HOOK3: variants seen among roughly 807,000 people sequenced by gnomAD.
The protein encoded by HOOK3 is hook microtubule tethering protein 3, also known as protein Hook homolog 3.
HOOK3 carries 24 observed loss-of-function variants against 116.3 expected under a neutral mutation model. The ratio of observed to expected loss-of-function variants is 0.21; its 90% CI spans 0.15 to 0.29. The LOEUF (loss-of-function observed/expected upper bound fraction) is 0.29. Ranked by LOEUF, HOOK3 falls within the 10% of genes least tolerant of loss-of-function variation. The pLI is 1.00. For synonymous variants in HOOK3, 275 were observed against 283.0 expected (o/e 0.97, Z 0.28); for missense variants, 632 against 830.2 (o/e 0.76, Z 2.93).
At chr8:42,957,383 A>ATT (rs1218226131) in intron 7 of HOOK3, among the ~76,000 whole-genome samples, 1 of 152,222 alleles carries the variant, frequency 6.6e-6, no homozygotes, top group African/African-American at 2.4e-5. Flanking sequence ...GCTGTTGCAT[A>ATT]ACCTACTTTG....
intron 1 of HOOK3, among the ~76,000 whole-genome samples, chr8:42,899,918 A>T (rs1807149968): frequency 6.6e-6 from 1 of 152,222 alleles, no homozygotes; most frequent in African/African-American, 2.4e-5. Context: ...ACTACATAGC[A>T]TTTAGTTTGA....
Position 43,029,144 on chromosome 8 carries a change from CTTTT to C in HOOK3, c.*10647_*10650del, listed in dbSNP as rs574899979. On this transcript the variant is annotated 3_prime_UTR_variant, in exon 22 of 22. Coordinates refer to ENST00000307602, the MANE Select transcript of HOOK3 (RefSeq NM_032410.4). Reference sequence around the variant, plus strand: ...GCCTTTTAATGTCTTTAACAGCAATCTTTTATTTATTTATTTATTTATTTTTGAG... The same window carrying C: ...GCCTTTTAATGTCTTTAACAGCAATCATTTATTTATTTATTTATTTTTGAG... The C allele has an allele frequency of 5.6e-6, 1 of 177,376 alleles. No individual in the cohort carries two copies. Among genetic ancestry groups the C allele is most frequent in the Admixed American group, 6.3e-5 (1 of 15,796 alleles). The allele number at this position is 177,376 out of a possible 1,614,324, so 11.0% of individuals were successfully genotyped here.
intron 3 of HOOK3, among the ~76,000 whole-genome samples, chr8:42,927,405 C>T (rs985921383): frequency 6.6e-6 from 1 of 151,570 alleles, no homozygotes; most frequent in African/African-American, 2.4e-5. Flanking sequence ...TACAGGCGCA[C>T]GCCATGATGC....
At chr8:42,917,644 T>C (rs1381042630) in intron 2 of HOOK3, among the ~76,000 whole-genome samples, 1 of 152,138 alleles carries the variant, frequency 6.6e-6, no homozygotes, top group Non-Finnish European at 1.5e-5. Context: ...CACATGCTGA[T>C]TGAAAGAGTA....
chr8:42,953,089 A>G (rs1207784728), intron 6 of HOOK3, among the ~76,000 whole-genome samples: 2 of 152,058 alleles, frequency 1.3e-5, no homozygotes, highest in Admixed American at 1.3e-4. Flanking sequence ...CCACCTAGCC[A>G]CATGGGGGAG....
intron 2 of HOOK3, among the ~76,000 whole-genome samples, chr8:42,913,415 C>G (rs953303233): frequency 6.6e-6 from 1 of 152,134 alleles, no homozygotes. Flanking sequence ...ACTCTTCTTT[C>G]ATGTAGTATA....
intron 15 of HOOK3, among the ~76,000 whole-genome samples, chr8:42,988,423 G>T (rs1428557831): frequency 6.6e-6 from 1 of 152,086 alleles, no homozygotes. Flanking sequence ...GCTTTGTGTT[G>T]TTTCTCACAG....
intron 13 of HOOK3, among the ~76,000 whole-genome samples, chr8:42,978,795 C>A (rs1386168038): frequency 6.6e-6 from 1 of 152,048 alleles, no homozygotes; most frequent in Admixed American, 6.6e-5. Context: ...GTGATCTGCC[C>A]ACCATGGCCT....
At chr8:42,992,644 A>AG (rs1247750761) in intron 15 of HOOK3, among the ~76,000 whole-genome samples, 1 of 134,646 alleles carries the variant, frequency 7.4e-6, no homozygotes, top group African/African-American at 2.8e-5. Context: ...TGAATGCAGG[A>AG]GGTGGAGGTT....
chr8:42,912,273 T>A (rs1290604619), intron 2 of HOOK3, among the ~76,000 whole-genome samples: 1 of 152,204 alleles, frequency 6.6e-6, no homozygotes, highest in Non-Finnish European at 1.5e-5. Context: ...TTTTTGTTAG[T>A]GTAAGTTTTT....
chr8:43,013,024 A>C, intron 19 of HOOK3, 27 bp from the exon 20 acceptor site: 1 of 1,409,260 alleles, frequency 7.1e-7, no homozygotes, highest in Non-Finnish European at 9.9e-7. Flanking sequence ...GAGACTTTTT[A>C]AATTTTTCTT....
At chr8:42,990,952 A>G (rs1035132008) in intron 15 of HOOK3, among the ~76,000 whole-genome samples, 1 of 152,124 alleles carries the variant, frequency 6.6e-6, no homozygotes, top group African/African-American at 2.4e-5. Context: ...TAAATCTTTG[A>G]TCCATTTTGA....
intron 13 of HOOK3, among the ~76,000 whole-genome samples, chr8:42,977,162 C>T (rs956237074): frequency 1.3e-5 from 2 of 152,082 alleles, no homozygotes; most frequent in African/African-American, 4.8e-5. Context: ...CCTTTATTAC[C>T]AGTGTGAGAT....
intron 15 of HOOK3, chr8:42,994,596 C>T (rs1809229443): frequency 5.5e-6 from 1 of 182,352 alleles, no homozygotes; most frequent in Non-Finnish European, 1.2e-5. Context: ...GTTGAATTTC[C>T]ATGTGTTTGT....
At chr8:42,940,435 C>T (rs1421366772) in intron 4 of HOOK3, among the ~76,000 whole-genome samples, 1 of 152,230 alleles carries the variant, frequency 6.6e-6, no homozygotes, top group South Asian at 2.1e-4. Context: ...GGCAGCAGTA[C>T]AGTCCAGCCT....
At chr8:42,898,324 C>T (rs1471265821) in intron 1 of HOOK3, among the ~76,000 whole-genome samples, 1 of 152,162 alleles carries the variant, frequency 6.6e-6, no homozygotes, top group Non-Finnish European at 1.5e-5. Flanking sequence ...GCATATCAGA[C>T]CATTTAGGGG....
intron 18 of HOOK3, among the ~76,000 whole-genome samples, chr8:43,008,220 A>G (rs1249125470): frequency 1.3e-5 from 2 of 151,568 alleles, no homozygotes; most frequent in African/African-American, 4.8e-5. Context: ...GGGTTTCACC[A>G]TGTTAGCCAG....
At chr8:42,981,294 C>T (rs909928981) in intron 13 of HOOK3, among the ~76,000 whole-genome samples, 5 of 151,938 alleles carry the variant, frequency 3.3e-5, no homozygotes, top group Non-Finnish European at 4.4e-5. Flanking sequence ...CTCAATCGAT[C>T]CGCCCACCTC....
At chr8:42,940,087 C>T (rs1023913846) in intron 4 of HOOK3, among the ~76,000 whole-genome samples, 13 of 152,280 alleles carry the variant, frequency 8.5e-5, no homozygotes, top group East Asian at 1.9e-4. Context: ...GGGCGGCGGC[C>T]GGGCAGAGGC....
Sources: allele counts gnomAD v4.1 joint callset (sites outside exome capture counted in the v4.1 genomes callset), GRCh38; gene constraint gnomAD v4.1.1; transcripts MANE v1.5; gene names NCBI Gene and HGNC (gene_info 2026-07-23, HGNC 2026-07-21).